The following LILRA1 variants were observed in gnomAD, a reference collection of about 807,000 sequenced individuals.
The protein encoded by LILRA1 is leukocyte immunoglobulin like receptor A1.
In LILRA1, 51 loss-of-function variants were observed where a neutral mutation model predicts 51.6. That is an observed-to-expected ratio of 0.99 (90% CI 0.79 to 1.25). The LOEUF (loss-of-function observed/expected upper bound fraction) is 1.25, where lower values mean the gene tolerates loss of function less well. Among genes scored for constraint, LILRA1 ranks in the 50% most tolerant of loss-of-function variants. LILRA1 has a pLI of 0.00. For missense variants in LILRA1, 660 were observed against 611.7 expected, an observed-to-expected ratio of 1.08 and a Z score of -0.83; for synonymous variants, 305 against 248.4, an observed-to-expected ratio of 1.23 and a Z score of -2.14.
intron 8 of LILRA1, 161 bp downstream of exon 8, chr19:54,599,447 C>A: frequency 7.8e-7 from 1 of 1,287,574 alleles, no homozygotes; most frequent in South Asian, 1.4e-5. Context: ...GTATTTCATT[C>A]CTTTACATTT....
intron 7 of LILRA1, 105 bp downstream of exon 7, chr19:54,596,596 G>A (rs1289279600): frequency 1.7e-5 from 26 of 1,498,424 alleles, no homozygotes; most frequent in Middle Eastern, 2.1e-4. Flanking sequence ...GGCTGGGCAC[G>A]GTGGCTTACA....
Position 54,595,151 on chromosome 19 carries a change from C to T in LILRA1, c.410C>T (p.Ser137Leu), listed in dbSNP as rs138781448. 9.8e-4 allele frequency: 1,585 copies of T among 1,614,112 alleles called. 11 individuals carry two copies. The African/African-American group carries it at 0.018, about 18-fold the overall frequency. Residue 137 changes from serine to leucine, a missense_variant, in exon 5 of 10, where the codon TCA becomes TTA. Transcript: ENST00000251372. Reference protein sequence around the residue: ...LSALPSPVVTSGGNVTLHCVS... With the variant: ...LSALPSPVVTLGGNVTLHCVS... ...GCTCTACCCAGCCCTGTGGTGACCTCAGGAGGGAACGTGACCCTCCATTGT... is the reference window on the plus strand; with the variant it reads ...GCTCTACCCAGCCCTGTGGTGACCTTAGGAGGGAACGTGACCCTCCATTGT...
rs992119935 is a variant in LILRA1 at position 54,602,005 on chromosome 19, A to C, written c.*1188A>C. ...ACTTTCTAGGACAAAGGGAGCAGCT[A>C]TTTGCCATCTACCCTCCAGAATAAA... is the stretch of plus-strand genomic sequence containing the variant. On this transcript the variant is annotated 3_prime_UTR_variant, in exon 10 of 10. Transcript: ENST00000251372. The C allele has an allele frequency of 5.9e-5, 9 of 152,214 alleles. No homozygotes were observed. Among genetic ancestry groups the C allele is most frequent in the Admixed American group, 5.9e-4 (9 of 15,290 alleles). 9.4% of individuals were successfully genotyped at this position (152,214 alleles called of 1,614,324 possible).
chr19:54,596,271 G>A lies in LILRA1; in HGVS notation c.1041G>A (p.Gln347=). 1.2e-6 allele frequency: 2 copies of A among 1,614,110 alleles called. No homozygotes were observed. The highest frequency in any genetic ancestry group is 1.7e-6 in the Non-Finnish European group (2 of 1,180,018). The change falls in exon 7 of 10, where the codon CAG becomes CAA. Residue 347 remains glutamine (Q), a synonymous_variant. Transcript: ENST00000251372. ...GAGAGAACGTGACCCTGCTGTGTCA[G>A]TCATGGGGGCCGTTCCACACTTTCC... ...ASGENVTLLC[Q]SWGPFHTFLL...
Position 54,595,657 on chromosome 19 carries a change from C to A in LILRA1, c.680C>A (p.Ser227Ter). 1 of 1,609,844 alleles carries A rather than the reference C, an allele frequency of 6.2e-7. No individual in the cohort carries two copies. The highest frequency in any genetic ancestry group is 8.5e-7 in the Non-Finnish European group (1 of 1,177,072). ...TTCCCAGGTGTTTCTAAGAAGCCAT[C>A]ACTCTCAGTGCAGCCAGGTCCTATA... ...LLVLGVSKKP[S>*]LSVQPGPIVA... The change falls in exon 6 of 10, where the codon TCA becomes TAA. Residue 227 changes from serine to a stop codon, truncating the protein, a stop_gained. Transcript: ENST00000251372. LOFTEE classifies it high-confidence loss of function.
rs548142538 is a variant in LILRA1 at position 54,596,565 on chromosome 19, C to T, written c.1261+74C>T. On this transcript the variant is annotated intron_variant, in intron 7 of 9. Coordinates refer to ENST00000251372, the MANE Select transcript of LILRA1 (RefSeq NM_006863.4). ...CCCTGCCCCCCAGGAGAGCTCTGGACACTAAGAAAAGAGGGGAGTTGGCTG... is the reference window on the plus strand; with the variant it reads ...CCCTGCCCCCCAGGAGAGCTCTGGATACTAAGAAAAGAGGGGAGTTGGCTG... 4 of 1,582,430 alleles carry T rather than the reference C, an allele frequency of 2.5e-6. No individual in the cohort carries two copies. In the South Asian group the frequency reaches 4.6e-5, roughly 18 times the overall value.
At position 54,601,769 on chromosome 19, in the gene LILRA1, G is replaced by T. The variant is rs1255735095; in HGVS notation, c.*952G>T. The T allele has an allele frequency of 1.3e-5, 2 of 152,216 alleles. No homozygotes were observed. Among genetic ancestry groups the T allele is most frequent in the African/African-American group, 2.4e-5 (1 of 41,450 alleles). The allele number at this position is 152,216 out of a possible 1,614,324, so 9.4% of individuals were successfully genotyped here. ...TGAGCTGTTTTTTTCTACTCACCTA[G>T]GACAGTCAGGCAGAAGTATGCAAAA... On this transcript the variant is annotated 3_prime_UTR_variant, in exon 10 of 10. Transcript: ENST00000251372.
At position 54,594,844 on chromosome 19, in the gene LILRA1, C is replaced by T. The variant is rs1444110384; in HGVS notation, c.250C>T (p.Pro84Ser). The T allele has an allele frequency of 5.6e-6, 9 of 1,614,022 alleles. No individual in the cohort carries two copies. In the Admixed American group the frequency reaches 1.3e-4, roughly 24 times the overall value. ...GGAGATTGTGAAGAAGGGCCAGTTCCCCATCCCATCCATCACCTGGGAACA... is the reference window on the plus strand; with the variant it reads ...GGAGATTGTGAAGAAGGGCCAGTTCTCCATCCCATCCATCACCTGGGAACA... ...PQEIVKKGQF[P>S]IPSITWEHTG... Residue 84 changes from proline to serine, a missense_variant, in exon 4 of 10, where the codon CCC (proline) becomes TCC (serine). Pro to Ser is a moderately conservative substitution (Grantham distance 74). Transcript: ENST00000251372.
In LILRA1 at chr19:54,596,256, G is replaced by A; in HGVS notation, c.1026G>A (p.Val342=). ...PGPTVASGEN[V]TLLCQSWGPF... Reference sequence around the variant, plus strand: ...CCACGGTGGCCTCAGGAGAGAACGTGACCCTGCTGTGTCAGTCATGGGGGC... The same window carrying A: ...CCACGGTGGCCTCAGGAGAGAACGTAACCCTGCTGTGTCAGTCATGGGGGC... Residue 342 remains valine, a synonymous_variant, in exon 7 of 10, where the codon GTG becomes GTA. Coordinates refer to ENST00000251372, the MANE Select transcript of LILRA1 (RefSeq NM_006863.4). 6.2e-7 allele frequency: 1 copy of A among 1,614,136 alleles called. No homozygotes were observed. Among genetic ancestry groups the A allele is most frequent in the South Asian group, 1.1e-5 (1 of 91,086 alleles).
intron 1 of LILRA1, among the ~76,000 whole-genome samples, 190 bp downstream of exon 1, chr19:54,593,971 G>A (rs1365302554): frequency 6.6e-6 from 1 of 152,176 alleles, no homozygotes; most frequent in Non-Finnish European, 1.5e-5. Flanking sequence ...GACAGTGGCT[G>A]GGGGTCAGGA....
chr19:54,594,538 G>A lies in LILRA1; in HGVS notation c.70+62G>A, dbSNP rs564359802. The A allele has an allele frequency of 6.0e-5, 97 of 1,613,824 alleles. No individual in the cohort carries two copies. The East Asian group carries it at 6.7e-4, about 11-fold the overall frequency. ...TCACTGGGGACAAGGGGCCACCCCC[G>A]TGCAGCTGGGGATGGGGAATAGCAG... On this transcript the variant is annotated intron_variant, in intron 3 of 9. Coordinates refer to ENST00000251372, the MANE Select transcript of LILRA1 (RefSeq NM_006863.4).
intron 7 of LILRA1, among the ~76,000 whole-genome samples, chr19:54,598,599 T>C (rs1277936652): frequency 2.0e-5 from 3 of 152,158 alleles, no homozygotes; most frequent in African/African-American, 7.2e-5. Flanking sequence ...AAAAAGTGCT[T>C]TAAATTGTTA....
chr19:54,594,866 A>G lies in LILRA1; in HGVS notation c.272A>G (p.Glu91Gly). 3 of 1,614,154 alleles carry G rather than the reference A, an allele frequency of 1.9e-6. No homozygotes were observed. The highest frequency in any genetic ancestry group is 2.5e-6 in the Non-Finnish European group (3 of 1,180,000). The change falls in exon 4 of 10, where the codon GAA (glutamate) becomes GGA (glycine). Residue 91 changes from glutamate to glycine, a missense_variant. Transcript: ENST00000251372. ...GQFPIPSITW[E>G]HTGRYRCFYG... is the part of the protein sequence containing the mutation. The stretch of plus-strand genomic sequence containing the variant: ...TTCCCCATCCCATCCATCACCTGGG[A>G]ACACACAGGGCGGTATCGCTGTTTC...
chr19:54,594,175 C>A, intron 1 of LILRA1, 22 bp from the exon 2 acceptor site: 5 of 1,607,950 alleles, frequency 3.1e-6, no homozygotes, highest in Non-Finnish European at 4.3e-6. Flanking sequence ...CTATTTCTCT[C>A]TGTGTGTCTC....
At chr19:54,600,491 C>G in intron 8 of LILRA1, 21 bp from the exon 9 acceptor site, 2 of 1,613,932 alleles carry the variant, frequency 1.2e-6, no homozygotes, top group Non-Finnish European at 1.7e-6. Context: ...CAGGGCTCTT[C>G]CCCTCTGTTT....
At position 54,595,891 on chromosome 19, in the gene LILRA1, C is replaced by G. The variant is rs374309790; in HGVS notation, c.914C>G (p.Ser305Cys). The G allele has an allele frequency of 6.2e-7, 1 of 1,613,652 alleles. No homozygotes were observed. The highest frequency in any genetic ancestry group is 8.5e-7 in the Non-Finnish European group (1 of 1,179,962). ...TGCTCCGGTGCATACAACCTCTCCT[C>G]CGAGTGGTCGGCCCCCAGCGACCCC... ...YRCSGAYNLS[S>C]EWSAPSDPLD... The change falls in exon 6 of 10, where the codon TCC (serine) becomes TGC (cysteine). Residue 305 changes from serine (S) to cysteine (C), a missense_variant. Physicochemically the swap from Ser to Cys is moderately radical, Grantham distance 112 (BLOSUM62 -1). Transcript: ENST00000251372.
intron 7 of LILRA1, among the ~76,000 whole-genome samples, chr19:54,597,650 G>A (rs1013808653): frequency 1.3e-5 from 2 of 151,816 alleles, no homozygotes; most frequent in Non-Finnish European, 2.9e-5. Context: ...AGAGGCGGGC[G>A]AGTTGGAAAG....
intron 6 of LILRA1, 47 bp from the exon 7 acceptor site, chr19:54,596,142 C>G: frequency 1.9e-6 from 3 of 1,592,904 alleles, no homozygotes; most frequent in Non-Finnish European, 2.6e-6. Flanking sequence ...GAGGCGTCAG[C>G]TCAGAACAAG....
At chr19:54,594,621 T>C in intron 3 of LILRA1, 44 bp from the exon 4 acceptor site, 2 of 1,608,430 alleles carry the variant, frequency 1.2e-6, no homozygotes, top group Non-Finnish European at 1.7e-6. Context: ...TGAGATATGT[T>C]GGGTGGGAAA....
Sources: gnomAD v4.1 joint callset for allele counts (sites outside exome capture counted in the v4.1 genomes callset) on GRCh38, gnomAD v4.1.1 for gene constraint, MANE v1.5 for transcripts, NCBI Gene and HGNC (gene_info 2026-07-23, HGNC 2026-07-21) for gene names.